The following CASD1 variants were observed in gnomAD, a reference collection of about 807,000 sequenced individuals.
The protein encoded by CASD1 is N-acetylneuraminate (7)9-O-acetyltransferase.
A neutral mutation model predicts 100.0 loss-of-function variants in CASD1; 41 were observed. That is an observed-to-expected ratio of 0.41 (90% CI 0.32 to 0.53). The LOEUF is 0.53. CASD1 is among the 20% of genes least tolerant of loss of function. CASD1 has a pLI of 0.25. For synonymous variants in CASD1, 321 were observed against 315.6 expected (o/e 1.02, Z -0.18); for missense variants, 774 against 948.7 (o/e 0.82, Z 2.42).
the CASD1 span, among the ~76,000 whole-genome samples, chr7:94,577,364 T>C: frequency 6.6e-6 from 1 of 152,230 alleles, no homozygotes; most frequent in African/African-American, 2.4e-5. Flanking sequence ...TTCTTTGTCA[T>C]GTGTAGCCAC....
intron 10 of CASD1, among the ~76,000 whole-genome samples, chr7:94,539,726 G>A (rs1795299920): frequency 6.6e-6 from 1 of 150,984 alleles, no homozygotes; most frequent in Non-Finnish European, 1.5e-5. Context: ...AAAGGATTTA[G>A]AATAGGCAAG....
the CASD1 span, among the ~76,000 whole-genome samples, chr7:94,571,832 G>A: frequency 6.6e-6 from 1 of 150,962 alleles, no homozygotes; most frequent in South Asian, 2.1e-4. Context: ...ACAAAAAGAT[G>A]GTCAAGTGTA....
At chr7:94,570,291 ACTT>A in the CASD1 span, among the ~76,000 whole-genome samples, 1 of 151,232 alleles carries the variant, frequency 6.6e-6, no homozygotes, top group African/African-American at 2.4e-5. Context: ...TTCCCTTCTC[ACTT>A]CTTTTTGTGT....
At chr7:94,554,380 T>A (rs754608006) in intron 16 of CASD1, 103 bp from the exon 17 acceptor site, 81 of 722,644 alleles carry the variant, frequency 1.1e-4, no homozygotes, top group Non-Finnish European at 1.7e-4. Context: ...ATGTGTCAAG[T>A]TCACAAACAT....
Position 94,525,655 on chromosome 7 carries a change from T to C in CASD1, c.352-1507T>C, listed in dbSNP as rs1481385900. Among the ~76,000 whole-genome samples, 3 of 152,218 alleles carry C rather than the reference T, an allele frequency of 2.0e-5. No individual in the cohort carries two copies. In the East Asian group the frequency reaches 5.8e-4, roughly 29 times the overall value. ...AATTTTTAAAAGGTTGAGGATGTGG[T>C]AGAAGGAGGAAAACACCTGTGTGAT... On this transcript the variant is annotated intron_variant, in intron 3 of 17. Coordinates refer to ENST00000297273, the MANE Select transcript of CASD1 (RefSeq NM_022900.5).
chr7:94,534,087 T>A (rs1794988627), intron 7 of CASD1, among the ~76,000 whole-genome samples: 1 of 151,706 alleles, frequency 6.6e-6, no homozygotes, highest in South Asian at 2.1e-4. Flanking sequence ...GTGGTATCCC[T>A]GATTTTTTTT....
At chr7:94,618,672 A>T in the CASD1 span, 1 of 1,098,748 alleles carries the variant, frequency 9.1e-7, no homozygotes, top group Non-Finnish European at 1.4e-6. Flanking sequence ...AAAATGCAAT[A>T]GGCCATCTTC....
the CASD1 span, chr7:94,600,164 C>T: frequency 5.5e-6 from 1 of 182,758 alleles, no homozygotes; most frequent in Non-Finnish European, 1.1e-5. Context: ...TCAAATTATA[C>T]CTTATTTTCA....
At chr7:94,514,227 C>T (rs1793861371) in intron 1 of CASD1, among the ~76,000 whole-genome samples, 1 of 152,090 alleles carries the variant, frequency 6.6e-6, no homozygotes, top group Non-Finnish European at 1.5e-5. Context: ...AAGAAAGCAG[C>T]AGCTCTGGGT....
chr7:94,557,663 A>G (rs1322606775), downstream of CASD1, among the ~76,000 whole-genome samples: 1 of 151,986 alleles, frequency 6.6e-6, no homozygotes, highest in African/African-American at 2.4e-5. Context: ...TTTCTCTCCT[A>G]TTTGAACTGA....
At chr7:94,545,285 GTTA>G (rs1795620381) in intron 11 of CASD1, among the ~76,000 whole-genome samples, 1 of 152,074 alleles carries the variant, frequency 6.6e-6, no homozygotes, top group Admixed American at 6.6e-5. Context: ...CAAGATGGCA[GTTA>G]TAGCCAGAGG....
chr7:94,586,860 A>C, the CASD1 span: 1 of 985,344 alleles, frequency 1.0e-6, no homozygotes, highest in African/African-American at 1.7e-5. Flanking sequence ...TAATTATAAA[A>C]AAAAATGCTA....
chr7:94,580,198 A>G, the CASD1 span, among the ~76,000 whole-genome samples: 23 of 152,328 alleles, frequency 1.5e-4, no homozygotes, highest in Admixed American at 5.2e-4. Flanking sequence ...ATGTATAAAA[A>G]GGTCAAATAT....
In CASD1 at chr7:94,544,548, T is replaced by G; in HGVS notation, c.1476+18T>G. 1 of 1,599,220 alleles carries G rather than the reference T, an allele frequency of 6.3e-7. No individual in the cohort carries two copies. The highest frequency in any genetic ancestry group is 1.7e-4 in the Middle Eastern group (1 of 5,990). On this transcript the variant is annotated intron_variant, in intron 11 of 17. Coordinates refer to ENST00000297273, the MANE Select transcript of CASD1 (RefSeq NM_022900.5). ...TATGTCAGGTAGGAATGCACTGTTATTTCCTTTTCTTCCAGTTGAACATAC... is the reference window on the plus strand; with the variant it reads ...TATGTCAGGTAGGAATGCACTGTTAGTTCCTTTTCTTCCAGTTGAACATAC...
the CASD1 span, among the ~76,000 whole-genome samples, chr7:94,582,420 G>T: frequency 1.3e-5 from 2 of 152,128 alleles, no homozygotes; most frequent in East Asian, 3.9e-4. Flanking sequence ...ACTGCACCTG[G>T]CCAGCTTTTT....
chr7:94,558,916 C>T (rs1360969226), downstream of CASD1, among the ~76,000 whole-genome samples: 1 of 152,100 alleles, frequency 6.6e-6, no homozygotes, highest in East Asian at 1.9e-4. Flanking sequence ...TCTCCTGCCT[C>T]AGCCTCCTGA....
the CASD1 span, among the ~76,000 whole-genome samples, chr7:94,567,536 A>C: frequency 6.6e-6 from 1 of 152,142 alleles, no homozygotes; most frequent in Non-Finnish European, 1.5e-5. Context: ...CCAGTGCAGT[A>C]AGGGGATTTC....
At chr7:94,568,381 A>G in the CASD1 span, among the ~76,000 whole-genome samples, 1 of 152,214 alleles carries the variant, frequency 6.6e-6, no homozygotes, top group Admixed American at 6.5e-5. Flanking sequence ...TAGAAAAAAT[A>G]CAAATGATAT....
At chr7:94,590,462 C>T in the CASD1 span, 1 of 152,082 alleles carries the variant, frequency 6.6e-6, no homozygotes, top group Admixed American at 6.6e-5. Context: ...GTATCCTCAG[C>T]AGTAAGCATT....
Sources: gnomAD v4.1 joint callset for allele counts (sites outside exome capture counted in the v4.1 genomes callset) on GRCh38, gnomAD v4.1.1 for gene constraint, MANE v1.5 for transcripts, NCBI Gene and HGNC (gene_info 2026-07-23, HGNC 2026-07-21) for gene names.